REV1: variants seen among roughly 807,000 people sequenced by gnomAD.
REV1 encodes the protein translesion synthesis protein REV1.
In REV1, 42 loss-of-function variants were observed where a neutral mutation model predicts 137.4. That is an observed-to-expected ratio of 0.31 (90% CI 0.24 to 0.40). REV1 has a LOEUF of 0.40. Ranked by LOEUF, REV1 falls within the 10% of genes least tolerant of loss-of-function variation. REV1 has a pLI of 1.00. For missense variants in REV1, 1,282 were observed against 1,490.1 expected (o/e 0.86, Z 2.30); for synonymous variants, 524 against 519.2 (o/e 1.01, Z -0.12).
chr2:99,426,836 T>C (rs1679444251), intron 9 of REV1, among the ~76,000 whole-genome samples: 1 of 152,182 alleles, frequency 6.6e-6, no homozygotes. Context: ...ACATATTCTG[T>C]CTGGCAATAT....
In REV1 at chr2:99,401,930, T is replaced by G. The variant is rs562594713; in HGVS notation, c.3644+314A>C. Among the ~76,000 whole-genome samples the G allele has an allele frequency of 4.3e-4, 65 of 152,212 alleles. 1 individual carries two copies. Among genetic ancestry groups the G allele is most frequent in the African/African-American group, 1.5e-3 (63 of 41,520 alleles). ...ATTATTTATTTTTTGTATTTTTCAG[T>G]AGAGATGGGGTTATGCCATTTTGGC... On this transcript the variant is annotated intron_variant, in intron 22 of 22. Coordinates refer to ENST00000258428, the MANE Select transcript of REV1 (RefSeq NM_016316.4).
In REV1 at chr2:99,406,429, C is replaced by T. The variant is rs1362255911; in HGVS notation, c.2510G>A (p.Arg837His). ...AAAGTGGCTTGACTGAACTGATGGG[C>T]GACTGGGACATGTGGAAGGGTTCAG... ...TNLNPSTCPS[R>H]PSVQSSHFPS... The change falls in exon 16 of 23, where the codon CGC becomes CAC. Residue 837 changes from arginine (R) to histidine (H), a missense_variant. By Grantham distance (29) the Arg-to-His change is conservative. Coordinates refer to ENST00000258428, the MANE Select transcript of REV1 (RefSeq NM_016316.4). The T allele has an allele frequency of 2.5e-6, 4 of 1,613,410 alleles. No homozygotes were observed. The highest frequency in any genetic ancestry group is 1.3e-5 in the African/African-American group (1 of 74,866).
At chr2:99,489,572 G>A (rs1687479472) in intron 1 of REV1, among the ~76,000 whole-genome samples, 2 of 148,758 alleles carry the variant, frequency 1.3e-5, no homozygotes. Context: ...ATGACGGAAG[G>A]GAAGGGGAGG....
chr2:99,454,239 AAAAAAC>A (rs796242559), intron 3 of REV1, among the ~76,000 whole-genome samples: 51 of 151,950 alleles, frequency 3.4e-4, no homozygotes, highest in African/African-American at 1.2e-3. Flanking sequence ...AAAATCCACA[AAAAAAC>A]AAAAACAAAA....
At chr2:99,457,188 A>C (rs937764890) in intron 3 of REV1, among the ~76,000 whole-genome samples, 2 of 152,192 alleles carry the variant, frequency 1.3e-5, no homozygotes, top group Non-Finnish European at 2.9e-5. Flanking sequence ...ATCTCTTTTC[A>C]AACATAGTTC....
rs1196042532 is a variant in REV1, at chr2:99,410,506, G to C, written c.2345+189C>G. ...CCGTCAAACCAACCTCCTGTGTGTG[G>C]GCCTCGCTGAAACCAAGTGCATTAA... is the stretch of plus-strand genomic sequence containing the variant. On this transcript the variant is annotated intron_variant, in intron 14 of 22. Coordinates refer to ENST00000258428, the MANE Select transcript of REV1 (RefSeq NM_016316.4). Among the ~76,000 whole-genome samples, 67 of 152,256 alleles carry C rather than the reference G, an allele frequency of 4.4e-4. 2 individuals carry two copies. Among genetic ancestry groups the C allele is most frequent in the Admixed American group, 4.4e-3 (67 of 15,296 alleles).
At chr2:99,430,170 A>C (rs939822897) in intron 8 of REV1, among the ~76,000 whole-genome samples, 3 of 152,082 alleles carry the variant, frequency 2.0e-5, no homozygotes, top group African/African-American at 7.2e-5. Flanking sequence ...AATAAATTCA[A>C]AGTGTCCTGG....
intron 3 of REV1, 88 bp downstream of exon 3, chr2:99,462,401 TATAATAA>T: frequency 8.7e-7 from 1 of 1,144,186 alleles, no homozygotes; most frequent in South Asian, 1.6e-5. Flanking sequence ...ATCATTTGTC[TATAATAA>T]ATGAGTAAAA....
intron 8 of REV1, chr2:99,431,676 T>C (rs1290672066): frequency 6.3e-6 from 6 of 956,714 alleles, no homozygotes; most frequent in Non-Finnish European, 7.5e-6. Flanking sequence ...CTGTGGTCCA[T>C]GCGCCCCCAG....
At chr2:99,455,444 G>T (rs1683429758) in intron 3 of REV1, among the ~76,000 whole-genome samples, 1 of 152,104 alleles carries the variant, frequency 6.6e-6, no homozygotes, top group African/African-American at 2.4e-5. Flanking sequence ...TCAACTAAAA[G>T]CCACGGATAC....
intron 1 of REV1, among the ~76,000 whole-genome samples, chr2:99,466,311 C>T (rs985499469): frequency 1.3e-5 from 2 of 151,874 alleles, no homozygotes; most frequent in African/African-American, 2.4e-5. Context: ...GGCACGATCT[C>T]GGCTCACAAC....
chr2:99,470,590 T>C (rs1421135140), intron 1 of REV1, among the ~76,000 whole-genome samples: 40 of 152,376 alleles, frequency 2.6e-4, no homozygotes, highest in African/African-American at 4.8e-5. Context: ...CGTTAGGTCA[T>C]AGCCTGTTCC....
At chr2:99,416,874 T>C (rs533533372) in intron 12 of REV1, among the ~76,000 whole-genome samples, 4 of 133,038 alleles carry the variant, frequency 3.0e-5, no homozygotes, top group South Asian at 4.9e-4. Flanking sequence ...GATCGCACCA[T>C]TGCACTCTAG....
In REV1 at chr2:99,424,228, G is replaced by T. The variant is rs377206186; in HGVS notation, c.1600C>A (p.Pro534Thr). The T allele has an allele frequency of 6.2e-7, 1 of 1,613,734 alleles. No individual in the cohort carries two copies. The highest frequency in any genetic ancestry group is 1.3e-5 in the African/African-American group (1 of 74,898). ...TCGTATGGAACAGCTTGAAGATTAG[G>T]ACATAGTTGTTTAGCATGCCCAAAA... The part of the protein sequence containing the change: ...MFFGHAKQLC[P>T]NLQAVPYDFH... The change falls in exon 10 of 23, where the codon CCT becomes ACT. Residue 534 changes from proline to threonine, a missense_variant. Pro to Thr is a conservative substitution (Grantham distance 38). Around this residue, in one of 7 missense-constraint regions of REV1, gnomAD observed 372 missense variants for 482.3 expected, o/e 0.77. Coordinates refer to ENST00000258428, the MANE Select transcript of REV1 (RefSeq NM_016316.4).
At chr2:99,404,249 C>T (rs1327231479) in intron 18 of REV1, among the ~76,000 whole-genome samples, 195 bp downstream of exon 18, 2 of 152,074 alleles carry the variant, frequency 1.3e-5, no homozygotes, top group Non-Finnish European at 1.5e-5. Flanking sequence ...GCTGCTTCAG[C>T]GGGAGGCTGC....
chr2:99,449,875 T>C (rs1478068568), intron 3 of REV1, among the ~76,000 whole-genome samples: 1 of 152,182 alleles, frequency 6.6e-6, no homozygotes, highest in Non-Finnish European at 1.5e-5. Context: ...TATAAACCCA[T>C]TTATGAATCA....
intron 11 of REV1, among the ~76,000 whole-genome samples, chr2:99,419,950 T>C (rs1219045087): frequency 6.6e-6 from 1 of 152,052 alleles, no homozygotes; most frequent in Admixed American, 6.5e-5. Flanking sequence ...ATGATAAAAG[T>C]AGTGAGTTCA....
intron 1 of REV1, among the ~76,000 whole-genome samples, chr2:99,482,087 T>G (rs1333629093): frequency 6.6e-6 from 1 of 152,182 alleles, no homozygotes; most frequent in South Asian, 2.1e-4. Flanking sequence ...GGGTTGGGCT[T>G]TGAGCAACCT....
At chr2:99,402,164 A>G in intron 22 of REV1, 80 bp downstream of exon 22, 1 of 640,496 alleles carries the variant, frequency 1.6e-6, no homozygotes, top group Non-Finnish European at 2.8e-6. Flanking sequence ...GTTTCCCAGA[A>G]AGTTTAAAAC....
Sources: gnomAD v4.1 joint callset for allele counts (sites outside exome capture counted in the v4.1 genomes callset) on GRCh38, gnomAD v4.1.1 for gene constraint, gnomAD v4.1.1 regional missense constraint, MANE v1.5 for transcripts, NCBI Gene and HGNC (gene_info 2026-07-23, HGNC 2026-07-21) for gene names.